TMEM163: variants seen among roughly 807,000 people sequenced by gnomAD.
TMEM163 encodes transmembrane protein 163.
Under a neutral mutation model 29.3 loss-of-function variants are expected in TMEM163, and 17 were observed. The observed-to-expected ratio is 0.58, with a 90% CI of 0.40 to 0.87. The LOEUF is 0.87. TMEM163 is among the 40% of genes least tolerant of loss of function. TMEM163 has a pLI of 0.00. For missense variants in TMEM163, 303 were observed against 381.5 expected, an observed-to-expected ratio of 0.79 and a Z score of 1.71; for synonymous variants, 157 against 160.6, an observed-to-expected ratio of 0.98 and a Z score of 0.17.
At chr2:134,573,382 G>T (rs1392276574) in intron 2 of TMEM163, among the ~76,000 whole-genome samples, 2 of 152,228 alleles carry the variant, frequency 1.3e-5, no homozygotes, top group African/African-American at 4.8e-5. Context: ...GTATAAGCCA[G>T]TGTTTCTCAA....
intron 2 of TMEM163, among the ~76,000 whole-genome samples, chr2:134,617,337 G>A (rs565979304): frequency 6.6e-6 from 1 of 152,266 alleles, no homozygotes; most frequent in African/African-American, 2.4e-5. Context: ...TTGGCCAGGT[G>A]CACTGGTTCA....
At chr2:134,594,332 A>T (rs1682012310) in intron 2 of TMEM163, among the ~76,000 whole-genome samples, 1 of 152,114 alleles carries the variant, frequency 6.6e-6, no homozygotes, top group Admixed American at 6.5e-5. Context: ...CTATGTCATC[A>T]CCAGGCTTAT....
intron 5 of TMEM163, among the ~76,000 whole-genome samples, chr2:134,495,576 A>T (rs1679532150): frequency 6.6e-6 from 1 of 152,230 alleles, no homozygotes; most frequent in African/African-American, 2.4e-5. Flanking sequence ...CAGGTGGGAC[A>T]TCTCTGGGAA....
intron 6 of TMEM163, chr2:134,458,385 A>G (rs1000150503): frequency 2.1e-5 from 12 of 579,284 alleles, no homozygotes; most frequent in African/African-American, 3.7e-5. Flanking sequence ...CCCCACCATC[A>G]TTCTGTACCT....
At chr2:134,656,796 A>T (rs996748182) in intron 2 of TMEM163, among the ~76,000 whole-genome samples, 2 of 152,154 alleles carry the variant, frequency 1.3e-5, no homozygotes, top group Admixed American at 1.3e-4. Flanking sequence ...GAGGGTTTTT[A>T]TCATGAAGGG....
At chr2:134,530,304 C>G (rs1367370567) in intron 4 of TMEM163, among the ~76,000 whole-genome samples, 1 of 152,174 alleles carries the variant, frequency 6.6e-6, no homozygotes. Flanking sequence ...CACGGTCTCA[C>G]TCTGTTGCCC....
At chr2:134,699,302 G>A (rs13418974) in intron 2 of TMEM163, among the ~76,000 whole-genome samples, 5,946 of 152,188 alleles carry the variant, frequency 0.039, 170 homozygotes, top group African/African-American at 0.08. Context: ...TCAGGAGTTC[G>A]AGACCAGGCT....
chr2:134,528,483 T>C (rs1285189308), intron 4 of TMEM163, among the ~76,000 whole-genome samples: 1 of 152,202 alleles, frequency 6.6e-6, no homozygotes, highest in Non-Finnish European at 1.5e-5. Flanking sequence ...TAAGAGTTTC[T>C]TATAACATTG....
chr2:134,507,754 G>T (rs1053520791), intron 4 of TMEM163, among the ~76,000 whole-genome samples: 9 of 152,118 alleles, frequency 5.9e-5, no homozygotes, highest in African/African-American at 1.9e-4. Context: ...CTATTCAGGA[G>T]GCTGAGGCAG....
At chr2:134,666,695 T>G (rs1189209299) in intron 2 of TMEM163, among the ~76,000 whole-genome samples, 3 of 152,182 alleles carry the variant, frequency 2.0e-5, no homozygotes. Context: ...CAAAACCTAG[T>G]TCCACCAATT....
chr2:134,478,349 G>A (rs1686966751), intron 5 of TMEM163, among the ~76,000 whole-genome samples: 1 of 152,170 alleles, frequency 6.6e-6, no homozygotes, highest in Non-Finnish European at 1.5e-5. Context: ...AGACTAGAAG[G>A]GAAAGTTTGG....
chr2:134,626,209 A>G (rs1437321764), intron 2 of TMEM163, among the ~76,000 whole-genome samples: 1 of 147,358 alleles, frequency 6.8e-6, no homozygotes, highest in East Asian at 2.0e-4. Flanking sequence ...GGTTCAAGCA[A>G]TTCTCCTGCC....
At chr2:134,532,897 G>T (rs768487927) in intron 4 of TMEM163, among the ~76,000 whole-genome samples, 13 of 152,160 alleles carry the variant, frequency 8.5e-5, no homozygotes, top group Non-Finnish European at 1.8e-4. Flanking sequence ...GTGGCAAACT[G>T]CAAGCCCACC....
chr2:134,512,332 T>C (rs1430853023), intron 4 of TMEM163, among the ~76,000 whole-genome samples: 2 of 151,980 alleles, frequency 1.3e-5, no homozygotes, highest in Non-Finnish European at 2.9e-5. Context: ...GTGGCACACA[T>C]CTGTAGTCCC....
At chr2:134,465,190 A>AAAAAAAAAAAC (rs1491285389) in intron 6 of TMEM163, among the ~76,000 whole-genome samples, 1 of 114,210 alleles carries the variant, frequency 8.8e-6, no homozygotes, top group Non-Finnish European at 1.6e-5. Context: ...CCGCATCTTT[A>AAAAAAAAAAAC]AAAAAAAAAA....
At chr2:134,656,316 T>C (rs1039822402) in intron 2 of TMEM163, among the ~76,000 whole-genome samples, 1 of 151,536 alleles carries the variant, frequency 6.6e-6, no homozygotes, top group Non-Finnish European at 1.5e-5. Context: ...ATTTTCCAGG[T>C]GCGTCCGTCA....
intron 6 of TMEM163, among the ~76,000 whole-genome samples, chr2:134,462,138 C>CG (rs1250728681): frequency 2.0e-5 from 3 of 147,104 alleles, no homozygotes; most frequent in Non-Finnish European, 3.0e-5. Context: ...GGCTCGGGGG[C>CG]GGGGGGCATT....
intron 1 of TMEM163, among the ~76,000 whole-genome samples, chr2:134,714,358 A>T (rs1017343657): frequency 3.3e-5 from 5 of 152,238 alleles, no homozygotes; most frequent in Admixed American, 2.0e-4. Context: ...CAAAGAATGA[A>T]GAAATTGGTA....
At chr2:134,471,385 C>A (rs1275478544) in intron 5 of TMEM163, among the ~76,000 whole-genome samples, 1 of 152,158 alleles carries the variant, frequency 6.6e-6, no homozygotes, top group Non-Finnish European at 1.5e-5. Context: ...CCACCACCGA[C>A]GTGCACCAAG....
Sources: gnomAD v4.1 joint callset for allele counts (sites outside exome capture counted in the v4.1 genomes callset) on GRCh38, gnomAD v4.1.1 for gene constraint, MANE v1.5 for transcripts, NCBI Gene and HGNC (gene_info 2026-07-23, HGNC 2026-07-21) for gene names.